Variants in ACCSL observed in about 807,000 individuals in gnomAD.
ACCSL encodes the protein 1-aminocyclopropane-1-carboxylate synthase homolog (inactive) like, also known as probable inactive 1-aminocyclopropane-1-carboxylate synthase-like protein 2.
A neutral mutation model predicts 61.7 loss-of-function variants in ACCSL; 55 were observed. The observed-to-expected ratio is 0.89, with a 90% CI of 0.72 to 1.12. ACCSL has a LOEUF of 1.12. ACCSL is among the 50% of genes most tolerant of loss of function. The pLI is 0.00. For missense variants in ACCSL, 632 were observed against 698.0 expected (o/e 0.91, Z 1.07); for synonymous variants, 258 against 264.3 (o/e 0.98, Z 0.23).
At chr11:43,943,334 A>C in the ACCSL span, 1 of 1,406,300 alleles carries the variant, frequency 7.1e-7, no homozygotes, top group Non-Finnish European at 9.2e-7. This position sits in a 1 kb window ranked among gnomAD's most constrained non-coding sequence, Gnocchi z 4.8. Context: ...CGGCGTGTGA[A>C]CCCCGAGAGT....
the ACCSL span, among the ~76,000 whole-genome samples, chr11:43,994,841 C>G: frequency 2.0e-5 from 3 of 151,988 alleles, no homozygotes; most frequent in Non-Finnish European, 4.4e-5. Context: ...CACCATGTTG[C>G]CCAGGCTGGT....
At chr11:44,014,540 C>G in the ACCSL span, among the ~76,000 whole-genome samples, 5 of 147,034 alleles carry the variant, frequency 3.4e-5, no homozygotes, top group Non-Finnish European at 7.4e-5. Context: ...GTGCCACTGT[C>G]TTTTATCACC....
chr11:43,968,182 A>C, the ACCSL span, among the ~76,000 whole-genome samples: 2 of 152,184 alleles, frequency 1.3e-5, no homozygotes, highest in African/African-American at 4.8e-5. Context: ...ACAAAGAATT[A>C]TCTAGCCCCA....
the ACCSL span, among the ~76,000 whole-genome samples, chr11:43,997,774 G>C: frequency 1.3e-5 from 2 of 152,212 alleles, no homozygotes; most frequent in Admixed American, 6.5e-5. Flanking sequence ...CCCCACATTA[G>C]AGGCTAGAAT....
the ACCSL span, chr11:43,971,424 C>T: frequency 1.3e-5 from 2 of 152,108 alleles, no homozygotes. Context: ...GTAAGTAATA[C>T]TATTTCCTTA....
chr11:44,024,483 G>GTA, the ACCSL span, among the ~76,000 whole-genome samples: 179 of 133,892 alleles, frequency 1.3e-3, 1 homozygote, highest in Admixed American at 4.5e-3. Flanking sequence ...GTGTGTGTGT[G>GTA]TATACATCCT....
chr11:43,952,456 G>T, the ACCSL span, among the ~76,000 whole-genome samples: 1 of 152,170 alleles, frequency 6.6e-6, no homozygotes, highest in South Asian at 2.1e-4. Context: ...AGGCAGCCCG[G>T]TGCTGCACCC....
Position 44,059,847 on chromosome 11 carries a change from G to A in ACCSL, c.1634G>A (p.Arg545Gln), listed in dbSNP as rs755990121. 1.5e-5 allele frequency: 24 copies of A among 1,613,316 alleles called. No homozygotes were observed. Among genetic ancestry groups the A allele is most frequent in the East Asian group, 2.2e-5 (1 of 44,864 alleles). The stretch of plus-strand genomic sequence containing the variant: ...CATTTGAACCCTCTAGCTATGCGTC[G>A]GTTCTGTGATGTGCTGCAGGAGCAG... ...ELPRLKLAMR[R>Q]FCDVLQEQKE... The change falls in exon 14 of 14, where the codon CGG (arginine) becomes CAG (glutamine). Residue 545 changes from arginine (R) to glutamine (Q), a missense_variant. By Grantham distance (43) the Arg-to-Gln change is conservative. Transcript: ENST00000378832.
chr11:43,977,825 A>T, the ACCSL span, among the ~76,000 whole-genome samples: 7 of 152,210 alleles, frequency 4.6e-5, no homozygotes, highest in East Asian at 1.4e-3. Flanking sequence ...ACCACCTACC[A>T]GCTGTGTGAC....
the ACCSL span, among the ~76,000 whole-genome samples, chr11:44,009,019 T>A: frequency 6.6e-6 from 1 of 151,962 alleles, no homozygotes; most frequent in African/African-American, 2.4e-5. Flanking sequence ...ATACAAAAAA[T>A]TAGCCAGGCA....
chr11:43,975,617 T>G, the ACCSL span, among the ~76,000 whole-genome samples: 1 of 152,206 alleles, frequency 6.6e-6, no homozygotes, highest in African/African-American at 2.4e-5. Context: ...TGATAGACAG[T>G]GTAAACCCTA....
At chr11:43,942,619 G>A in the ACCSL span, 8 of 306,366 alleles carry the variant, frequency 2.6e-5, no homozygotes, top group Non-Finnish European at 3.9e-5. Flanking sequence ...TAAGCCGCGA[G>A]CCTGGCCGCC....
At chr11:43,985,281 G>T in the ACCSL span, among the ~76,000 whole-genome samples, 9 of 152,222 alleles carry the variant, frequency 5.9e-5, no homozygotes, top group East Asian at 1.5e-3. Flanking sequence ...TCCAGTGTGA[G>T]AGGTGATGTT....
upstream of ACCSL, among the ~76,000 whole-genome samples, chr11:44,044,766 A>G (rs956371003): frequency 6.6e-6 from 1 of 152,096 alleles, no homozygotes; most frequent in African/African-American, 2.4e-5. Context: ...TTCCCACTTC[A>G]TTTCCCACAT....
chr11:43,944,474 G>T, the ACCSL span: 4 of 153,622 alleles, frequency 2.6e-5, no homozygotes, highest in Admixed American at 1.3e-4. Context: ...CGGCCGCTAT[G>T]TCTCCAGCCG....
At chr11:44,017,086 C>T in the ACCSL span, among the ~76,000 whole-genome samples, 6 of 152,178 alleles carry the variant, frequency 3.9e-5, no homozygotes, top group African/African-American at 1.2e-4. Context: ...TCATCAAGGA[C>T]ATTCAGATAC....
At chr11:44,034,170 T>C in the ACCSL span, among the ~76,000 whole-genome samples, 1 of 152,158 alleles carries the variant, frequency 6.6e-6, no homozygotes, top group African/African-American at 2.4e-5. Context: ...TACATGTAGA[T>C]ACAATTTAGG....
At chr11:44,031,297 A>G in the ACCSL span, among the ~76,000 whole-genome samples, 47,350 of 152,044 alleles carry the variant, frequency 0.31, 7,708 homozygotes, top group Middle Eastern at 0.37. Context: ...GAAGACCCAG[A>G]TGTCAGTCCG....
chr11:43,981,548 T>C, the ACCSL span, among the ~76,000 whole-genome samples: 3 of 152,224 alleles, frequency 2.0e-5, no homozygotes, highest in African/African-American at 7.2e-5. Context: ...TTTCTCCTAA[T>C]GCAACACTAC....
Sources: allele counts gnomAD v4.1 joint callset (sites outside exome capture counted in the v4.1 genomes callset), GRCh38; gene constraint gnomAD v4.1.1; non-coding constraint Gnocchi (gnomAD v3.1); transcripts MANE v1.5; gene names NCBI Gene and HGNC (gene_info 2026-07-23, HGNC 2026-07-21).